Variants in ADGB observed in about 807,000 individuals in gnomAD.
ADGB encodes the protein androglobin.
Under a neutral mutation model 210.5 loss-of-function variants are expected in ADGB, and 172 were observed. The ratio of observed to expected loss-of-function variants is 0.82; its 90% confidence interval spans 0.72 to 0.93. The LOEUF (loss-of-function observed/expected upper bound fraction) is 0.93. Among genes scored for constraint, ADGB ranks in the 40% least tolerant of loss-of-function variants. ADGB has a pLI of 0.00. For synonymous variants in ADGB, 658 were observed against 662.7 expected (o/e 0.99, Z 0.11); for missense variants, 2,025 against 1,964.8 (o/e 1.03, Z -0.58).
At chr6:146,740,701 A>G (rs773931572) in intron 24 of ADGB, 108 bp downstream of exon 24, 299 of 1,119,398 alleles carry the variant, frequency 2.7e-4, no homozygotes, top group Non-Finnish European at 3.6e-4. Flanking sequence ...TTGCTTTCAT[A>G]AGTTAGTTAA....
chr6:146,801,174 T>C lies in ADGB; in HGVS notation c.4538-9T>C, dbSNP rs1778124894. The stretch of plus-strand genomic sequence containing the variant: ...TAGGTTTTTTGTTGTGTGTGTGTTT[T>C]TTTTAAAGAAACAGGACCTCGTACA... On this transcript the variant is annotated splice_polypyrimidine_tract_variant and intron_variant, in intron 33 of 35. Coordinates refer to ENST00000397944, the MANE Select transcript of ADGB (RefSeq NM_024694.4). 6.8e-7 allele frequency: 1 copy of C among 1,462,354 alleles called. No homozygotes were observed. 90.6% of individuals were successfully genotyped at this position (1,462,354 alleles called of 1,614,324 possible).
At chr6:146,777,417 G>T (rs1777736217) in intron 29 of ADGB, among the ~76,000 whole-genome samples, 1 of 151,994 alleles carries the variant, frequency 6.6e-6, no homozygotes, top group Non-Finnish European at 1.5e-5. Flanking sequence ...GTTAGAAGAG[G>T]TTAAAAAAGC....
intron 35 of ADGB, among the ~76,000 whole-genome samples, chr6:146,810,302 A>G (rs1562308035): frequency 6.6e-6 from 1 of 152,212 alleles, no homozygotes; most frequent in Non-Finnish European, 1.5e-5. Context: ...AAGACAAGAG[A>G]TAAGTGTTGG....
chr6:146,726,903 G>T (rs1485797004), intron 19 of ADGB, among the ~76,000 whole-genome samples: 10 of 152,106 alleles, frequency 6.6e-5, no homozygotes, highest in Non-Finnish European at 1.2e-4. Flanking sequence ...TGGAGCATGT[G>T]CCTGGGATTT....
At chr6:146,724,400 T>G in intron 18 of ADGB, 73 bp downstream of exon 18, 1 of 1,407,224 alleles carries the variant, frequency 7.1e-7, no homozygotes, top group Non-Finnish European at 9.4e-7. Context: ...ACTAAAGAAG[T>G]AAACAATATG....
rs781497530 is a variant in ADGB, at chr6:146,810,972, C to T, written c.4819-4060C>T. ...TATCAAACCATCCTGTGGTATACTT[C>T]GAACATATACAGTTTATTTTCCAAA... On this transcript the variant is annotated intron_variant, in intron 35 of 35. Transcript: ENST00000397944. Among the ~76,000 whole-genome samples the T allele has an allele frequency of 5.3e-4, 81 of 152,090 alleles. 1 individual carries two copies. The highest frequency in any genetic ancestry group is 7.5e-4 in the Non-Finnish European group (51 of 67,988).
At chr6:146,633,727 A>C (rs1562260360) in intron 1 of ADGB, among the ~76,000 whole-genome samples, 1 of 152,096 alleles carries the variant, frequency 6.6e-6, no homozygotes, top group Admixed American at 6.6e-5. Flanking sequence ...ACCTTAACTC[A>C]TCAGTTCCCC....
intron 10 of ADGB, among the ~76,000 whole-genome samples, chr6:146,686,575 G>A (rs1776237091): frequency 1.3e-5 from 2 of 151,940 alleles, no homozygotes; most frequent in African/African-American, 2.4e-5. Flanking sequence ...AATATGTTTA[G>A]TGCTTGCGTA....
At chr6:146,654,523 T>A (rs1026981262) in intron 4 of ADGB, among the ~76,000 whole-genome samples, 1 of 151,978 alleles carries the variant, frequency 6.6e-6, no homozygotes, top group African/African-American at 2.4e-5. Flanking sequence ...CAGCTAATTT[T>A]AAATTTTTTG....
chr6:146,796,237 G>T (rs1193350397), intron 33 of ADGB, among the ~76,000 whole-genome samples: 1 of 152,124 alleles, frequency 6.6e-6, no homozygotes, highest in Non-Finnish European at 1.5e-5. Context: ...TCATGGATGG[G>T]TAGAATCAAT....
rs192539762 is a variant in ADGB, at chr6:146,706,238, T to A, written c.1707+5168T>A. Among the ~76,000 whole-genome samples, 76 of 151,262 alleles carry A rather than the reference T, an allele frequency of 5.0e-4. No homozygotes were observed. In the East Asian group the frequency reaches 6.8e-3, roughly 14 times the overall value. On this transcript the variant is annotated intron_variant, in intron 13 of 35. Coordinates refer to ENST00000397944, the MANE Select transcript of ADGB (RefSeq NM_024694.4). The stretch of plus-strand genomic sequence containing the variant: ...ACCTGGCCAACATGGGACAGTTTTT[T>A]GTTTTTTTTTTCTTTTCTTTTTCTT...
Position 146,759,370 on chromosome 6 carries a change from T to C in ADGB, c.3551-4531T>C, listed in dbSNP as rs555859069. Reference sequence around the variant, plus strand: ...GAATAAAATCTTATACTAATACTTATGGTATAAGGTCAATTTAAAACTTGT... The same window carrying C: ...GAATAAAATCTTATACTAATACTTACGGTATAAGGTCAATTTAAAACTTGT... On this transcript the variant is annotated intron_variant, in intron 27 of 35. Transcript: ENST00000397944. Among the ~76,000 whole-genome samples, 16 of 151,916 alleles carry C rather than the reference T, an allele frequency of 1.1e-4. No homozygotes were observed. The South Asian group carries it at 1.4e-3, about 14-fold the overall frequency.
intron 8 of ADGB, 66 bp downstream of exon 8, chr6:146,672,533 T>C: frequency 6.9e-7 from 1 of 1,451,956 alleles, no homozygotes; most frequent in African/African-American, 1.4e-5. Flanking sequence ...TACAATTTTA[T>C]TTGATGTGTT....
chr6:146,757,789 G>A (rs987589424), intron 27 of ADGB, among the ~76,000 whole-genome samples: 12 of 151,626 alleles, frequency 7.9e-5, no homozygotes, highest in African/African-American at 2.9e-4. Context: ...TTTTTATTTG[G>A]AAAGAAAAAT....
At chr6:146,717,640 G>A (rs908804219) in intron 16 of ADGB, 41 bp downstream of exon 16, 5 of 1,031,676 alleles carry the variant, frequency 4.8e-6, no homozygotes, top group South Asian at 1.9e-5. Context: ...TTAAATTTTT[G>A]GTAGAATTGC....
intron 16 of ADGB, 49 bp from the exon 17 acceptor site, chr6:146,721,354 G>A (rs1410822700): frequency 8.7e-7 from 1 of 1,148,550 alleles, no homozygotes; most frequent in African/African-American, 1.5e-5. Flanking sequence ...TGAAATAATA[G>A]CATTGATGAA....
At chr6:146,799,165 A>G (rs991453685) in intron 33 of ADGB, among the ~76,000 whole-genome samples, 1 of 151,904 alleles carries the variant, frequency 6.6e-6, no homozygotes, top group South Asian at 2.1e-4. Flanking sequence ...AAAAAAACCT[A>G]TGGCCTACAT....
At chr6:146,731,678 T>G (rs929432510) in intron 20 of ADGB, among the ~76,000 whole-genome samples, 2 of 152,224 alleles carry the variant, frequency 1.3e-5, no homozygotes, top group South Asian at 4.1e-4. Context: ...TCAATGTGAA[T>G]TCTCCTCCTA....
intron 29 of ADGB, among the ~76,000 whole-genome samples, chr6:146,773,281 G>GA (rs5880685): frequency 1.3e-5 from 2 of 149,390 alleles, no homozygotes; most frequent in East Asian, 2.0e-4. Context: ...CATACATAGA[G>GA]AAAAAAAAAA....
Sources: gnomAD v4.1 joint callset for allele counts (sites outside exome capture counted in the v4.1 genomes callset) on GRCh38, gnomAD v4.1.1 for gene constraint, MANE v1.5 for transcripts, NCBI Gene and HGNC (gene_info 2026-07-23, HGNC 2026-07-21) for gene names.